Variants in FRAS1 observed in about 807,000 individuals in gnomAD.
FRAS1 encodes the protein Fraser extracellular matrix complex subunit 1.
A neutral mutation model predicts 435.2 loss-of-function variants in FRAS1; 290 were observed. That is an observed-to-expected ratio of 0.67 (90% CI 0.61 to 0.73). FRAS1 has a LOEUF of 0.73. FRAS1 is among the 30% of genes least tolerant of loss of function. FRAS1 has a pLI of 0.00. For missense variants in FRAS1, 4,860 were observed against 5,001.5 expected (o/e 0.97, Z 0.85); for synonymous variants, 1,800 against 1,851.0 (o/e 0.97, Z 0.71).
At chr4:78,202,615 C>T (rs1266222159) in intron 2 of FRAS1, among the ~76,000 whole-genome samples, 1 of 152,126 alleles carries the variant, frequency 6.6e-6, no homozygotes, top group Non-Finnish European at 1.5e-5. Context: ...CTCATGAACC[C>T]AGCAAGCAGA....
intron 18 of FRAS1, among the ~76,000 whole-genome samples, chr4:78,324,193 G>T (rs1729627219): frequency 7.3e-6 from 1 of 136,534 alleles, no homozygotes; most frequent in South Asian, 2.1e-4. Flanking sequence ...ATAAATAAGG[G>T]AAAAAGAAAA....
intron 36 of FRAS1, among the ~76,000 whole-genome samples, chr4:78,429,529 G>A (rs1301532045): frequency 1.3e-5 from 2 of 152,120 alleles, no homozygotes; most frequent in East Asian, 1.9e-4. Context: ...GAACATAGAG[G>A]GGAGCAGGAT....
At chr4:78,371,150 T>C (rs1218094629) in intron 23 of FRAS1, among the ~76,000 whole-genome samples, 1 of 147,850 alleles carries the variant, frequency 6.8e-6, no homozygotes, top group African/African-American at 2.5e-5. Context: ...AAAACAAGAT[T>C]ATCACAAATC....
chr4:78,496,738 A>C, intron 59 of FRAS1, 67 bp from the exon 60 acceptor site: 1 of 1,422,864 alleles, frequency 7.0e-7, no homozygotes, highest in South Asian at 1.3e-5. Context: ...ATAGTTTTCT[A>C]GGAAAACCAA....
At chr4:78,329,479 A>C (rs1236273980) in intron 18 of FRAS1, among the ~76,000 whole-genome samples, 1 of 152,214 alleles carries the variant, frequency 6.6e-6, no homozygotes, top group East Asian at 1.9e-4. Flanking sequence ...ATGGCATTAC[A>C]CTAATCCATT....
chr4:78,096,391 C>T (rs1462095609), intron 2 of FRAS1, among the ~76,000 whole-genome samples: 1 of 152,206 alleles, frequency 6.6e-6, no homozygotes, highest in Non-Finnish European at 1.5e-5. Flanking sequence ...TGGTGGCCCT[C>T]TTCTCACAGC....
At chr4:78,466,087 C>A in intron 49 of FRAS1, 121 bp from the exon 50 acceptor site, 1 of 701,332 alleles carries the variant, frequency 1.4e-6, no homozygotes, top group Non-Finnish European at 2.5e-6. Flanking sequence ...AAAGAAAATA[C>A]AGTCCTTACT....
intron 34 of FRAS1, among the ~76,000 whole-genome samples, chr4:78,424,002 A>G (rs115483662): frequency 0.019 from 2,869 of 152,288 alleles, 47 homozygotes; most frequent in South Asian, 0.045. Flanking sequence ...GTGTAAATCA[A>G]TGTCTCGGCA....
intron 18 of FRAS1, among the ~76,000 whole-genome samples, chr4:78,324,195 A>G (rs1729627744): frequency 7.2e-6 from 1 of 138,408 alleles, no homozygotes; most frequent in Non-Finnish European, 1.6e-5. Context: ...AAATAAGGGA[A>G]AAAGAAAAAT....
chr4:78,136,646 T>C (rs1233107298), intron 2 of FRAS1, among the ~76,000 whole-genome samples: 2 of 152,134 alleles, frequency 1.3e-5, no homozygotes, highest in Non-Finnish European at 2.9e-5. Context: ...TTATGGGACA[T>C]GTCGAAGGCC....
rs1578227951 is a variant in FRAS1, at chr4:78,284,559, A to C, written c.1399+11A>C. The C allele has an allele frequency of 6.2e-7, 1 of 1,605,454 alleles. No homozygotes were observed. Among genetic ancestry groups the C allele is most frequent in the Admixed American group, 1.7e-5 (1 of 58,848 alleles). On this transcript the variant is annotated intron_variant, in intron 13 of 73. Coordinates refer to ENST00000512123, the MANE Select transcript of FRAS1 (RefSeq NM_025074.7). ...GCAGTCTCTGTTTAGGTATGGCTCC[A>C]AGTGGACAACCCAGAGGTGGTGGTG...
chr4:78,494,632 A>G (rs1384893001), intron 59 of FRAS1, among the ~76,000 whole-genome samples: 1 of 152,164 alleles, frequency 6.6e-6, no homozygotes, highest in Non-Finnish European at 1.5e-5. Context: ...ACCAGGCCCC[A>G]CTTCCAATAA....
chr4:78,229,099 T>A (rs140692482), intron 2 of FRAS1, among the ~76,000 whole-genome samples: 1 of 152,286 alleles, frequency 6.6e-6, no homozygotes. Context: ...GGGAAAAACA[T>A]AAGCTTTGAA....
chr4:78,417,943 G>C (rs1200797370), intron 32 of FRAS1, among the ~76,000 whole-genome samples: 1 of 152,186 alleles, frequency 6.6e-6, no homozygotes, highest in Non-Finnish European at 1.5e-5. Context: ...TGACCCAGGC[G>C]AGGGGCCCCA....
intron 2 of FRAS1, among the ~76,000 whole-genome samples, chr4:78,108,732 C>A (rs1742527123): frequency 1.4e-5 from 1 of 72,156 alleles, no homozygotes; most frequent in Non-Finnish European, 2.6e-5. Context: ...TAGCAGAAGG[C>A]AAGAAATAAC....
intron 1 of FRAS1, among the ~76,000 whole-genome samples, chr4:78,064,339 A>T (rs1449664413): frequency 2.0e-5 from 3 of 151,594 alleles, no homozygotes; most frequent in Non-Finnish European, 4.4e-5. Context: ...ATTTTAATAA[A>T]TATTAATGCC....
At position 78,519,409 on chromosome 4, in the gene FRAS1, G is replaced by A; in HGVS notation, c.10468G>A (p.Gly3490Ser). 1.2e-6 allele frequency: 2 copies of A among 1,610,784 alleles called. No individual in the cohort carries two copies. The highest frequency in any genetic ancestry group is 1.7e-6 in the Non-Finnish European group (2 of 1,178,700). The stretch of plus-strand genomic sequence containing the variant: ...CTACATCTATGTGACAGCCCCCAGG[G>A]GCTGGGCCTCCTTGGAGCACCACAC... Reference protein sequence around the residue: ...VSYIYVTAPRGWASLEHHTEM... With the variant: ...VSYIYVTAPRSWASLEHHTEM... Residue 3490 changes from glycine to serine, a missense_variant, in exon 67 of 74, where the codon GGC (glycine) becomes AGC (serine). By Grantham distance (56) the Gly-to-Ser change is moderately conservative (BLOSUM62 0). Coordinates refer to ENST00000512123, the MANE Select transcript of FRAS1 (RefSeq NM_025074.7).
intron 4 of FRAS1, among the ~76,000 whole-genome samples, chr4:78,249,514 G>T (rs993519578): frequency 4.0e-5 from 6 of 151,722 alleles, no homozygotes; most frequent in African/African-American, 1.2e-4. Context: ...GTGGAGATGG[G>T]GTTTCACCAT....
intron 60 of FRAS1, among the ~76,000 whole-genome samples, chr4:78,498,077 C>A: frequency 6.6e-6 from 1 of 152,166 alleles, no homozygotes; most frequent in South Asian, 2.1e-4. Flanking sequence ...ACATCATACA[C>A]TGGGGCCTGT....
Sources: gnomAD v4.1 joint callset for allele counts (sites outside exome capture counted in the v4.1 genomes callset) on GRCh38, gnomAD v4.1.1 for gene constraint, MANE v1.5 for transcripts, NCBI Gene and HGNC (gene_info 2026-07-23, HGNC 2026-07-21) for gene names.